The following ARL15 variants were observed in gnomAD, a reference collection of about 807,000 sequenced individuals.
The protein encoded by ARL15 is ADP-ribosylation factor-like protein 15.
A neutral mutation model predicts 25.2 loss-of-function variants in ARL15; 19 were observed. The ratio of observed to expected loss-of-function variants is 0.75; its 90% CI spans 0.53 to 1.10. ARL15 has a LOEUF of 1.10. Among genes scored for constraint, ARL15 ranks in the 50% least tolerant of loss-of-function variants. The probability of loss-of-function intolerance (pLI) is 0.00; values close to 1 mark genes in which losing one functional copy is unlikely to be tolerated. For missense variants in ARL15, 220 were observed against 246.0 expected (o/e 0.89, Z 0.71); for synonymous variants, 94 against 86.8 (o/e 1.08, Z -0.46).
intron 1 of ARL15, among the ~76,000 whole-genome samples, chr5:54,176,605 C>T (rs776409129): frequency 5.3e-4 from 80 of 152,224 alleles, no homozygotes; most frequent in Middle Eastern, 6.8e-3. Flanking sequence ...TGTCGGCAGT[C>T]CTGACAGCAA....
chr5:54,102,320 A>G (rs906994102), intron 4 of ARL15, among the ~76,000 whole-genome samples: 3 of 152,074 alleles, frequency 2.0e-5, no homozygotes, highest in Non-Finnish European at 4.4e-5. Flanking sequence ...CCTAATAAAT[A>G]CCACTTTAAA....
At chr5:54,018,902 T>C (rs1309901624) in intron 4 of ARL15, among the ~76,000 whole-genome samples, 1 of 152,174 alleles carries the variant, frequency 6.6e-6, no homozygotes, top group African/African-American at 2.4e-5. Flanking sequence ...CTATTATAGT[T>C]CCCAATGTTG....
intron 4 of ARL15, among the ~76,000 whole-genome samples, chr5:54,089,134 C>T (rs1752059981): frequency 6.6e-6 from 1 of 152,118 alleles, no homozygotes; most frequent in African/African-American, 2.4e-5. Flanking sequence ...CTCCAGCACC[C>T]CCCGCCTCAG....
chr5:54,067,019 T>C (rs1377151378), intron 4 of ARL15: 1 of 152,634 alleles, frequency 6.6e-6, no homozygotes, highest in Non-Finnish European at 1.5e-5. Context: ...ATATATGCAA[T>C]TATACATAGA....
At chr5:54,122,813 C>T (rs1182065411) in intron 3 of ARL15, among the ~76,000 whole-genome samples, 4 of 152,224 alleles carry the variant, frequency 2.6e-5, no homozygotes, top group Admixed American at 2.0e-4. Context: ...ACTTTTTCAG[C>T]CTTTTCACAG....
At chr5:54,182,523 C>T (rs1427209479) in intron 1 of ARL15, among the ~76,000 whole-genome samples, 2 of 150,640 alleles carry the variant, frequency 1.3e-5, no homozygotes, top group Admixed American at 1.3e-4. Context: ...TGTTTTGGTA[C>T]CAGTACCATG....
intron 4 of ARL15, among the ~76,000 whole-genome samples, chr5:54,110,666 G>C (rs1752713857): frequency 6.6e-6 from 1 of 151,884 alleles, no homozygotes; most frequent in South Asian, 2.1e-4. Flanking sequence ...TCAGCAATAG[G>C]GCACAGGATG....
chr5:54,233,844 G>C (rs112668671), intron 1 of ARL15, among the ~76,000 whole-genome samples: 1 of 152,316 alleles, frequency 6.6e-6, no homozygotes, highest in African/African-American at 2.4e-5. Flanking sequence ...CAGATTAAAT[G>C]CAGAGGCAAA....
intron 1 of ARL15, among the ~76,000 whole-genome samples, chr5:54,300,306 T>A (rs1758583772): frequency 6.6e-6 from 1 of 152,238 alleles, no homozygotes; most frequent in South Asian, 2.1e-4. Context: ...GGCCTCAATA[T>A]GAGAAGTCCA....
intron 4 of ARL15, among the ~76,000 whole-genome samples, chr5:53,899,543 C>G (rs191327359): frequency 1.3e-5 from 2 of 151,418 alleles, no homozygotes; most frequent in Admixed American, 6.6e-5. Context: ...TCTTTTTTCT[C>G]CTACTTTCCT....
At chr5:54,251,041 A>G (rs1228497620) in intron 1 of ARL15, among the ~76,000 whole-genome samples, 2 of 152,208 alleles carry the variant, frequency 1.3e-5, no homozygotes, top group Non-Finnish European at 2.9e-5. Context: ...GAATCAGCCT[A>G]TCTTCCTAAT....
At chr5:54,296,911 G>A (rs1303842859) in intron 1 of ARL15, among the ~76,000 whole-genome samples, 1 of 152,234 alleles carries the variant, frequency 6.6e-6, no homozygotes, top group Non-Finnish European at 1.5e-5. Context: ...GCAGAGGGTT[G>A]TATGGAAAGG....
intron 1 of ARL15, among the ~76,000 whole-genome samples, chr5:54,185,150 A>G (rs1260127630): frequency 6.6e-6 from 1 of 152,124 alleles, no homozygotes; most frequent in East Asian, 1.9e-4. Context: ...AATATTAATT[A>G]TTATTTTTCC....
intron 4 of ARL15, among the ~76,000 whole-genome samples, chr5:54,077,884 T>C (rs1398557463): frequency 6.6e-6 from 1 of 152,168 alleles, no homozygotes; most frequent in African/African-American, 2.4e-5. Context: ...TTGTGAACAC[T>C]CTGGTGGATT....
rs552407025 is a variant in ARL15, at chr5:54,231,546, A to G, written c.49-59618T>C. 8.5e-5 allele frequency among the ~76,000 whole-genome samples: 13 copies of G among 152,330 alleles called. No homozygotes were observed. The East Asian group carries it at 2.5e-3, about 29-fold the overall frequency. On this transcript the variant is annotated intron_variant, in intron 1 of 4. Transcript: ENST00000504924. Reference sequence around the variant, plus strand: ...CTCCTTAACAAGGCTGGCAGAGCTCATCAGCTTCTCTGGGTGGTAACTCCT... The same window carrying G: ...CTCCTTAACAAGGCTGGCAGAGCTCGTCAGCTTCTCTGGGTGGTAACTCCT...
Position 54,226,177 on chromosome 5 carries a change from C to T in ARL15, c.49-54249G>A, listed in dbSNP as rs73120737. Reference sequence around the variant, plus strand: ...GATGCCAGTGAGCCAACAGCTGACACGGTGGACTGGGGAGGTCAAGGCCTG... The same window carrying T: ...GATGCCAGTGAGCCAACAGCTGACATGGTGGACTGGGGAGGTCAAGGCCTG... On this transcript the variant is annotated intron_variant, in intron 1 of 4. Transcript: ENST00000504924. Among the ~76,000 whole-genome samples, 407 of 151,262 alleles carry T rather than the reference C, an allele frequency of 2.7e-3. 1 individual carries two copies. The highest frequency in any genetic ancestry group is 9.2e-3 in the African/African-American group (380 of 41,256).
intron 1 of ARL15, among the ~76,000 whole-genome samples, chr5:54,189,767 G>A (rs1353709754): frequency 6.6e-6 from 1 of 152,094 alleles, no homozygotes; most frequent in Non-Finnish European, 1.5e-5. Context: ...GCAATAATTT[G>A]TTGGACATGA....
chr5:54,099,560 A>G (rs760633132), intron 4 of ARL15, among the ~76,000 whole-genome samples: 19 of 152,294 alleles, frequency 1.2e-4, no homozygotes, highest in Non-Finnish European at 2.2e-4. Context: ...TCAAAGGAAT[A>G]TAAATATATT....
intron 1 of ARL15, among the ~76,000 whole-genome samples, chr5:54,194,164 T>C (rs893016138): frequency 1.3e-5 from 2 of 152,140 alleles, no homozygotes; most frequent in Non-Finnish European, 2.9e-5. Flanking sequence ...AATTTAGCTC[T>C]ATATTGTCTA....
Sources: gnomAD v4.1 joint callset for allele counts (sites outside exome capture counted in the v4.1 genomes callset) on GRCh38, gnomAD v4.1.1 for gene constraint, MANE v1.5 for transcripts, NCBI Gene and HGNC (gene_info 2026-07-23, HGNC 2026-07-21) for gene names.